The following ADCY9 variants were observed in gnomAD, a reference collection of about 807,000 sequenced individuals.
ADCY9 encodes adenylate cyclase 9.
A neutral mutation model predicts 101.5 loss-of-function variants in ADCY9; 50 were observed. That is an observed-to-expected ratio of 0.49 (90% confidence interval 0.39 to 0.62). The LOEUF is 0.62. ADCY9 is among the 20% of genes least tolerant of loss of function. ADCY9 has a pLI of 0.00. For missense variants in ADCY9, 1,662 were observed against 1,800.4 expected, an observed-to-expected ratio of 0.92 and a Z score of 1.39; for synonymous variants, 905 against 769.3, an observed-to-expected ratio of 1.18 and a Z score of -2.92.
chr16:4,001,972 C>A (rs2056334368), intron 3 of ADCY9, among the ~76,000 whole-genome samples: 1 of 152,142 alleles, frequency 6.6e-6, no homozygotes, highest in South Asian at 2.1e-4. Context: ...TGGTCTCGAA[C>A]TCTTGACCTC....
chr16:4,015,967 C>CA (rs147260055), intron 2 of ADCY9, among the ~76,000 whole-genome samples: 55,129 of 142,006 alleles, frequency 0.39, 11,186 homozygotes, highest in East Asian at 0.52. Context: ...GACCCTGTCT[C>CA]AAAAAAATAA....
At chr16:4,050,364 C>CGT (rs1366343094) in intron 2 of ADCY9, among the ~76,000 whole-genome samples, 1 of 152,042 alleles carries the variant, frequency 6.6e-6, no homozygotes, top group Non-Finnish European at 1.5e-5. Context: ...CATGTGTGCC[C>CGT]GTGTGTGTAT....
At chr16:4,096,406 C>T (rs1365847639) in intron 2 of ADCY9, among the ~76,000 whole-genome samples, 1 of 152,146 alleles carries the variant, frequency 6.6e-6, no homozygotes, top group Non-Finnish European at 1.5e-5. Context: ...CCCAAAAGTG[C>T]TTGTTAGTGG....
intron 3 of ADCY9, among the ~76,000 whole-genome samples, chr16:3,994,437 G>A (rs1419020091): frequency 6.6e-6 from 1 of 152,164 alleles, no homozygotes; most frequent in Non-Finnish European, 1.5e-5. Flanking sequence ...CCACTGAACT[G>A]TACACTTTAA....
intron 9 of ADCY9, among the ~76,000 whole-genome samples, chr16:3,977,079 C>T (rs2056098450): frequency 6.6e-6 from 1 of 152,248 alleles, no homozygotes; most frequent in Non-Finnish European, 1.5e-5. Context: ...GGAAAGTCAG[C>T]ACCAGCTTCC....
Position 3,963,632 on chromosome 16 carries a change from G to T in ADCY9, c.*2143C>A. 1 of 332,306 alleles carries T rather than the reference G, an allele frequency of 3.0e-6. No homozygotes were observed. Among genetic ancestry groups the T allele is most frequent in the Non-Finnish European group, 5.4e-6 (1 of 184,196 alleles). 20.6% of individuals were successfully genotyped at this position (332,306 alleles called of 1,614,324 possible). A position where few individuals can be genotyped will look rare whatever the true frequency, so the allele number is the denominator to read the frequency against. ...TTGGGGAAGGAAATGGGCTTGATGGGGAAGAAGTGTGTGCGGAGAACTTTG... is the reference window on the plus strand; with the variant it reads ...TTGGGGAAGGAAATGGGCTTGATGGTGAAGAAGTGTGTGCGGAGAACTTTG... On this transcript the variant is annotated 3_prime_UTR_variant, in exon 11 of 11. Transcript: ENST00000294016.
chr16:4,085,164 C>A (rs1402343532), intron 2 of ADCY9, among the ~76,000 whole-genome samples: 1 of 152,130 alleles, frequency 6.6e-6, no homozygotes, highest in East Asian at 1.9e-4. Context: ...GAGTTCGAGA[C>A]CAGCCTGGCC....
chr16:4,102,546 C>T (rs1005845843), intron 2 of ADCY9, among the ~76,000 whole-genome samples: 8 of 152,158 alleles, frequency 5.3e-5, no homozygotes, highest in Non-Finnish European at 8.8e-5. Flanking sequence ...CTACCTCAGC[C>T]GCCCGAGTAG....
At chr16:4,112,212 C>T (rs573658341) in intron 2 of ADCY9, among the ~76,000 whole-genome samples, 31 of 152,292 alleles carry the variant, frequency 2.0e-4, no homozygotes, top group Admixed American at 1.9e-3. Flanking sequence ...CGAGTGCCAC[C>T]GCCCTAAACG....
intron 2 of ADCY9, among the ~76,000 whole-genome samples, chr16:4,015,411 A>G (rs12448453): frequency 0.095 from 14,366 of 152,012 alleles, 849 homozygotes; most frequent in East Asian, 0.27. Context: ...CTTCACAAAG[A>G]CTGTAGAAAT....
chr16:3,997,868 TG>T (rs2056299777), intron 3 of ADCY9, among the ~76,000 whole-genome samples: 1 of 151,254 alleles, frequency 6.6e-6, no homozygotes, highest in Non-Finnish European at 1.5e-5. Flanking sequence ...CTGAGGCGGG[TG>T]GATCACCTGA....
chr16:3,958,827 C>T (rs1223388093), downstream of ADCY9, among the ~76,000 whole-genome samples: 3 of 151,756 alleles, frequency 2.0e-5, no homozygotes, highest in South Asian at 2.1e-4. Context: ...CCCACCACTA[C>T]GCCTGGCTGA....
At chr16:4,061,687 G>A (rs954860155) in intron 2 of ADCY9, among the ~76,000 whole-genome samples, 3 of 151,936 alleles carry the variant, frequency 2.0e-5, no homozygotes, top group Non-Finnish European at 2.9e-5. Context: ...TTTGTTACTG[G>A]CAGACCCTAC....
chr16:4,011,290 G>C (rs2056402697), intron 2 of ADCY9, among the ~76,000 whole-genome samples: 3 of 152,208 alleles, frequency 2.0e-5, no homozygotes, highest in Admixed American at 2.0e-4. Context: ...AACGTGTGGA[G>C]GGAATGGCCA....
At chr16:4,100,076 G>C (rs1264715657) in intron 2 of ADCY9, among the ~76,000 whole-genome samples, 1 of 152,092 alleles carries the variant, frequency 6.6e-6, no homozygotes, top group Non-Finnish European at 1.5e-5. Flanking sequence ...CTAGATCATG[G>C]GGGTGGTTTC....
At position 3,992,224 on chromosome 16, in the gene ADCY9, G is replaced by A. The variant is rs1005470058; in HGVS notation, c.2129C>T (p.Ser710Leu). The A allele has an allele frequency of 5.6e-6, 9 of 1,614,038 alleles. No homozygotes were observed. Among genetic ancestry groups the A allele is most frequent in the African/African-American group, 1.3e-5 (1 of 74,916 alleles). ...CTTGAACCTCAGCGGAAGGAGAGCC[G>A]ACTGGTCCAGGCTCACCCCTGCCCA... ...GRWAGVSLDQ[S>L]ALLPLRFKNI... The change falls in exon 5 of 11, where the codon TCG becomes TTG. Residue 710 changes from serine to leucine, a missense_variant. By Grantham distance (145) the Ser-to-Leu change is moderately radical. Transcript: ENST00000294016. The surrounding 1 kb of genome is among the most constrained non-coding windows in gnomAD (Gnocchi z 4.2).
intron 8 of ADCY9, among the ~76,000 whole-genome samples, chr16:3,978,673 A>G (rs2056113957): frequency 6.6e-6 from 1 of 152,244 alleles, no homozygotes; most frequent in Non-Finnish European, 1.5e-5. Context: ...AAGCTGGCTC[A>G]GGAGAGTAAA....
chr16:3,989,764 C>T (rs2056229114), intron 5 of ADCY9, among the ~76,000 whole-genome samples: 1 of 152,204 alleles, frequency 6.6e-6, no homozygotes, highest in Non-Finnish European at 1.5e-5. Flanking sequence ...GTGAAGAACA[C>T]GCAGATCACT....
Position 4,115,332 on chromosome 16 carries a change from C to G in ADCY9, c.111G>C (p.Leu37=). The G allele has an allele frequency of 6.2e-7, 1 of 1,613,558 alleles. No homozygotes were observed. Among genetic ancestry groups the G allele is most frequent in the Non-Finnish European group, 8.5e-7 (1 of 1,179,840 alleles). ...AGTGCTTGGGGTGGCTGTTGGAGGA[C>G]AGCTGCTTGGGGTTGATCTTGACGC... ...SVRVKINPKQ[L]SSNSHPKHCK... The change falls in exon 2 of 11, where the codon CTG becomes CTC. Residue 37 remains leucine (L), a synonymous_variant. Coordinates refer to ENST00000294016, the MANE Select transcript of ADCY9 (RefSeq NM_001116.4). The surrounding 1 kb of genome is among the most constrained non-coding windows in gnomAD (Gnocchi z 6.2).
Sources: gnomAD v4.1 joint callset for allele counts (sites outside exome capture counted in the v4.1 genomes callset) on GRCh38, gnomAD v4.1.1 for gene constraint, Gnocchi (gnomAD v3.1) non-coding constraint, MANE v1.5 for transcripts, NCBI Gene and HGNC (gene_info 2026-07-23, HGNC 2026-07-21) for gene names.